The following ONECUT2 variants were observed in gnomAD, a reference collection of about 807,000 sequenced individuals.
The protein encoded by ONECUT2 is one cut homeobox 2, also known as one cut domain family member 2.
In ONECUT2, 10 loss-of-function variants were observed where a neutral mutation model predicts 27.9. The ratio of observed to expected loss-of-function variants is 0.36; its 90% CI spans 0.22 to 0.61. The LOEUF is 0.61. ONECUT2 is among the 20% of genes least tolerant of loss of function. ONECUT2 has a pLI of 0.73. For synonymous variants in ONECUT2, 334 were observed against 315.1 expected (o/e 1.06, Z -0.64); for missense variants, 686 against 721.0 (o/e 0.95, Z 0.56).
chr18:57,477,757 T>G lies in ONECUT2; in HGVS notation c.*1034T>G, dbSNP rs1467543630. On this transcript the variant is annotated 3_prime_UTR_variant, in exon 2 of 2. Transcript: ENST00000491143. ...ATGTGTCCTTGGTTGATCAGTCATC[T>G]GGTCCCTCCTACTGTGTGTTATGAC... is the stretch of plus-strand genomic sequence containing the variant. The G allele has an allele frequency of 6.6e-6, 1 of 152,554 alleles. No homozygotes were observed. The highest frequency in any genetic ancestry group is 1.5e-5 in the Non-Finnish European group (1 of 68,048). 9.5% of individuals were successfully genotyped at this position (152,554 alleles called of 1,614,324 possible).
chr18:57,442,125 C>G (rs924425086), intron 1 of ONECUT2, among the ~76,000 whole-genome samples: 1 of 152,070 alleles, frequency 6.6e-6, no homozygotes, highest in South Asian at 2.1e-4. Flanking sequence ...CCCTGCCAAC[C>G]ACTCCCCTGG....
chr18:57,474,013 C>G (rs1490343591), intron 1 of ONECUT2, among the ~76,000 whole-genome samples: 1 of 152,106 alleles, frequency 6.6e-6, no homozygotes, highest in East Asian at 1.9e-4. Flanking sequence ...TCCAAGAAAG[C>G]CAAAAGGCCC....
At position 57,485,576 on chromosome 18, in the gene ONECUT2, T is replaced by C. The variant is rs1211726880; in HGVS notation, c.*8853T>C. ...GAATCTGTCTCAGCTTTTGACCAAATGGGTTTTAGACAAATGCAAAGATCT... is the reference window on the plus strand; with the variant it reads ...GAATCTGTCTCAGCTTTTGACCAAACGGGTTTTAGACAAATGCAAAGATCT... On this transcript the variant is annotated 3_prime_UTR_variant, in exon 2 of 2. Coordinates refer to ENST00000491143, the MANE Select transcript of ONECUT2 (RefSeq NM_004852.3). 6.6e-6 allele frequency: 1 copy of C among 152,216 alleles called. No homozygotes were observed. The highest frequency in any genetic ancestry group is 2.4e-5 in the African/African-American group (1 of 41,452). The allele number at this position is 152,216 out of a possible 1,614,324, so 9.4% of individuals were successfully genotyped here. A position where few individuals can be genotyped will look rare whatever the true frequency, so the allele number is the denominator to read the frequency against.
At chr18:57,467,057 G>C (rs2122139349) in intron 1 of ONECUT2, 1 of 402,134 alleles carries the variant, frequency 2.5e-6, no homozygotes, top group South Asian at 1.9e-5. Context: ...CTCCATATAA[G>C]AAAGTCGTGA....
chr18:57,447,416 C>T (rs544564885), intron 1 of ONECUT2, among the ~76,000 whole-genome samples: 89 of 152,352 alleles, frequency 5.8e-4, no homozygotes, highest in African/African-American at 2.0e-3. Context: ...TGCAGGGCCT[C>T]ATATTTTCCT....
At chr18:57,475,056 AT>A (rs33961491) in intron 1 of ONECUT2, among the ~76,000 whole-genome samples, 58 of 125,520 alleles carry the variant, frequency 4.6e-4, no homozygotes, top group African/African-American at 1.4e-3. Flanking sequence ...ATTTCAAGTG[AT>A]TTTTTTTTTT....
intron 1 of ONECUT2, among the ~76,000 whole-genome samples, chr18:57,448,728 C>A (rs1461615387): frequency 1.3e-5 from 2 of 152,212 alleles, no homozygotes; most frequent in African/African-American, 4.8e-5. Context: ...GCATTACACT[C>A]TACAAGGACT....
intron 1 of ONECUT2, among the ~76,000 whole-genome samples, chr18:57,449,142 T>C (rs1356664159): frequency 1.3e-5 from 2 of 152,210 alleles, no homozygotes; most frequent in East Asian, 3.8e-4. Flanking sequence ...TATATAGATG[T>C]CCCTGCTTTT....
At chr18:57,446,610 C>T (rs1652508193) in intron 1 of ONECUT2, among the ~76,000 whole-genome samples, 1 of 152,182 alleles carries the variant, frequency 6.6e-6, no homozygotes, top group Admixed American at 6.5e-5. Context: ...TCACTTTGTT[C>T]CTAATATCCT....
rs945476334 is a variant in ONECUT2 at position 57,480,440 on chromosome 18, A to G, written c.*3717A>G. On this transcript the variant is annotated 3_prime_UTR_variant, in exon 2 of 2. Transcript: ENST00000491143. ...GTTTGATTTGGTTAGTGATTCTTTG[A>G]CATACTAATCTCAGCGTTTGGGTCT... 1.3e-5 allele frequency: 2 copies of G among 152,164 alleles called. No individual in the cohort carries two copies. The highest frequency in any genetic ancestry group is 2.9e-5 in the Non-Finnish European group (2 of 68,048). 9.4% of individuals were successfully genotyped at this position (152,164 alleles called of 1,614,324 possible). A position where few individuals can be genotyped will look rare whatever the true frequency, so the allele number is the denominator to read the frequency against.
At chr18:57,447,043 C>T (rs772208189) in intron 1 of ONECUT2, among the ~76,000 whole-genome samples, 26 of 152,296 alleles carry the variant, frequency 1.7e-4, no homozygotes, top group Non-Finnish European at 3.7e-4. Context: ...TATGCCAAAT[C>T]AGCAAACTCG....
chr18:57,486,676 C>T lies in ONECUT2; in HGVS notation c.*9953C>T, dbSNP rs567431245. The T allele has an allele frequency of 2.0e-5, 3 of 152,562 alleles. No homozygotes were observed. The highest frequency in any genetic ancestry group is 2.1e-4 in the South Asian group (1 of 4,822). The allele number at this position is 152,562 out of a possible 1,614,324, so 9.5% of individuals were successfully genotyped here. ...CTTTTGTAATAGATGAAAAAAGGTG[C>T]GCTTAAAAAGAAAATGTATGTTTTT... On this transcript the variant is annotated 3_prime_UTR_variant, in exon 2 of 2. Transcript: ENST00000491143.
chr18:57,460,511 A>G (rs2050284481), intron 1 of ONECUT2, among the ~76,000 whole-genome samples: 2 of 151,334 alleles, frequency 1.3e-5, no homozygotes, highest in Admixed American at 1.3e-4. Context: ...TTGCTTTATG[A>G]TATATCTTGA....
At position 57,436,265 on chromosome 18, in the gene ONECUT2, C is replaced by T. The variant is rs1199943940; in HGVS notation, c.549C>T (p.His183=). Residue 183 remains histidine, a synonymous_variant, in exon 1 of 2, where the codon CAC becomes CAT. Coordinates refer to ENST00000491143, the MANE Select transcript of ONECUT2 (RefSeq NM_004852.3). The surrounding 1 kb of genome is among the most constrained non-coding windows in gnomAD (Gnocchi z 5.9). ...ATCCGCACCACCACCACCACCACCA[C>T]CACCAGCGCCTGTCCGGCAACGTCA... The part of the protein sequence containing the change: ...HHHPHHHHHH[H]HQRLSGNVSG... 1 of 1,603,982 alleles carries T rather than the reference C, an allele frequency of 6.2e-7. No individual in the cohort carries two copies. Among genetic ancestry groups the T allele is most frequent in the Non-Finnish European group, 8.5e-7 (1 of 1,178,738 alleles).
Position 57,483,620 on chromosome 18 carries a change from C to G in ONECUT2, c.*6897C>G, listed in dbSNP as rs2050426205. ...AATGGTGCATCAGAGATGCAAAATT[C>G]TACTTGGAATACTCTTGAAGTTTAG... On this transcript the variant is annotated 3_prime_UTR_variant, in exon 2 of 2. Transcript: ENST00000491143. 1 of 152,504 alleles carries G rather than the reference C, an allele frequency of 6.6e-6. No homozygotes were observed. Among genetic ancestry groups the G allele is most frequent in the Non-Finnish European group, 1.5e-5 (1 of 68,024 alleles). The allele number at this position is 152,504 out of a possible 1,614,324, so 9.4% of individuals were successfully genotyped here.
intron 1 of ONECUT2, among the ~76,000 whole-genome samples, chr18:57,471,089 C>T (rs1272267972): frequency 6.6e-6 from 1 of 152,192 alleles, no homozygotes. Flanking sequence ...CTTTTCTGTC[C>T]TCCATGATGT....
At position 57,481,544 on chromosome 18, in the gene ONECUT2, C is replaced by T. The variant is rs2050415924; in HGVS notation, c.*4821C>T. 1.3e-5 allele frequency: 2 copies of T among 152,096 alleles called. No individual in the cohort carries two copies. The allele number at this position is 152,096 out of a possible 1,614,324, so 9.4% of individuals were successfully genotyped here. A position where few individuals can be genotyped will look rare whatever the true frequency, so the allele number is the denominator to read the frequency against. The stretch of plus-strand genomic sequence containing the variant: ...TATACTGGGCACCCACCTACTAGTG[C>T]CAGTAAATTCAAGTTGAACAGATTT... On this transcript the variant is annotated 3_prime_UTR_variant, in exon 2 of 2. Coordinates refer to ENST00000491143, the MANE Select transcript of ONECUT2 (RefSeq NM_004852.3).
intron 1 of ONECUT2, among the ~76,000 whole-genome samples, chr18:57,456,963 T>C (rs1470734612): frequency 1.3e-5 from 2 of 152,118 alleles, no homozygotes; most frequent in African/African-American, 4.8e-5. Flanking sequence ...ATCAATACGG[T>C]GACTTCCTGG....
intron 1 of ONECUT2, among the ~76,000 whole-genome samples, chr18:57,469,519 T>A (rs2050342004): frequency 6.6e-6 from 1 of 152,224 alleles, no homozygotes; most frequent in African/African-American, 2.4e-5. Context: ...ATTAGTATGT[T>A]AGGAAACTCC....
Sources: gnomAD v4.1 joint callset for allele counts (sites outside exome capture counted in the v4.1 genomes callset) on GRCh38, gnomAD v4.1.1 for gene constraint, Gnocchi (gnomAD v3.1) non-coding constraint, MANE v1.5 for transcripts, NCBI Gene and HGNC (gene_info 2026-07-23, HGNC 2026-07-21) for gene names.